The following MYO6 variants were observed in gnomAD, a reference collection of about 807,000 sequenced individuals.
MYO6 encodes myosin VI.
In MYO6, 74 loss-of-function variants were observed where a neutral mutation model predicts 178.7. The observed-to-expected ratio is 0.41, with a 90% CI of 0.34 to 0.50. The LOEUF is 0.50. Ranked by LOEUF, MYO6 falls within the 20% of genes least tolerant of loss-of-function variation. The pLI, the probability that MYO6 is intolerant of heterozygous loss-of-function variation, is 0.09. For synonymous variants in MYO6, 477 were observed against 504.6 expected, an observed-to-expected ratio of 0.95 and a Z score of 0.73; for missense variants, 1,330 against 1,547.4, an observed-to-expected ratio of 0.86 and a Z score of 2.36.
intron 27 of MYO6, 121 bp from the exon 28 acceptor site, chr6:75,892,409 A>T: frequency 3.1e-6 from 4 of 1,283,118 alleles, no homozygotes; most frequent in Middle Eastern, 5.0e-4. Flanking sequence ...TGCTTAAGCA[A>T]TTCTTTAGTA....
intron 11 of MYO6, among the ~76,000 whole-genome samples, chr6:75,852,277 C>A (rs189000540): frequency 2.0e-4 from 30 of 152,192 alleles, no homozygotes; most frequent in Middle Eastern, 6.8e-3. Context: ...GAGTAATAAG[C>A]ACATTTTCAT....
intron 1 of MYO6, among the ~76,000 whole-genome samples, chr6:75,760,944 C>G (rs1777889234): frequency 6.6e-6 from 1 of 151,894 alleles, no homozygotes. Flanking sequence ...TTCTCTTCTT[C>G]CTTGTTATTT....
At chr6:75,787,730 CTATATATATATATA>C (rs1172801367) in intron 1 of MYO6, among the ~76,000 whole-genome samples, 7 of 11,662 alleles carry the variant, frequency 6.0e-4, no homozygotes, top group African/African-American at 7.2e-4. Context: ...CTCTCTCTCT[CTATATATATATATA>C]TATATATATA....
intron 13 of MYO6, 124 bp downstream of exon 13, chr6:75,857,378 C>A: frequency 1.0e-6 from 1 of 965,914 alleles, no homozygotes; most frequent in South Asian, 1.4e-5. Flanking sequence ...TATATGTCCA[C>A]ACTCACATTT....
Position 75,837,370 on chromosome 6 carries a change from A to G in MYO6, c.553+1414A>G, listed in dbSNP as rs571321260. 5.3e-5 allele frequency among the ~76,000 whole-genome samples: 8 copies of G among 152,270 alleles called. No individual in the cohort carries two copies. The East Asian group carries it at 1.2e-3, about 22-fold the overall frequency. On this transcript the variant is annotated intron_variant, in intron 7 of 34. Coordinates refer to ENST00000369977, the MANE Select transcript of MYO6 (RefSeq NM_004999.4). ...AGCATTTTAACTACATGCCGTAGTA[A>G]ATGCATATTTTAACACTCTCTTGGC...
In MYO6 at chr6:75,773,292, C is replaced by G. The variant is rs12662248; in HGVS notation, c.-48+23869C>G. On this transcript the variant is annotated intron_variant, in intron 1 of 34. Transcript: ENST00000369977. ...AAAAAGTGGAATGTTTGACTTAACACTCAACTCTGCAGCTGAACCATTGTG... is the reference window on the plus strand; with the variant it reads ...AAAAAGTGGAATGTTTGACTTAACAGTCAACTCTGCAGCTGAACCATTGTG... Among the ~76,000 whole-genome samples the G allele has an allele frequency of 8.5e-4, 129 of 152,262 alleles. 1 individual carries two copies. The highest frequency in any genetic ancestry group is 4.6e-4 in the Admixed American group (7 of 15,284).
chr6:75,815,909 T>TC (rs1771191586), intron 1 of MYO6, among the ~76,000 whole-genome samples: 1 of 152,228 alleles, frequency 6.6e-6, no homozygotes, highest in Admixed American at 6.5e-5. Flanking sequence ...ACATCTGGGA[T>TC]CATTTACCAG....
chr6:75,753,914 A>C (rs554510694), intron 1 of MYO6, among the ~76,000 whole-genome samples: 1 of 152,292 alleles, frequency 6.6e-6, no homozygotes. Flanking sequence ...CTTATTGATT[A>C]GTGTAAGAAT....
At chr6:75,767,377 C>T (rs776696945) in intron 1 of MYO6, among the ~76,000 whole-genome samples, 29 of 151,748 alleles carry the variant, frequency 1.9e-4, no homozygotes, top group Non-Finnish European at 3.7e-4. Context: ...GACACTGAAG[C>T]TTTTACATTC....
intron 9 of MYO6, among the ~76,000 whole-genome samples, chr6:75,844,060 C>T (rs900992464): frequency 2.0e-5 from 3 of 152,106 alleles, no homozygotes; most frequent in Non-Finnish European, 4.4e-5. Context: ...TGCCCAATTC[C>T]ATCTAAATGT....
chr6:75,906,075 A>G (rs923555453), intron 30 of MYO6, among the ~76,000 whole-genome samples: 3 of 152,162 alleles, frequency 2.0e-5, no homozygotes, highest in Admixed American at 6.5e-5. Context: ...ATCTTGATCA[A>G]TCCTCTTTAA....
At position 75,832,832 on chromosome 6, in the gene MYO6, T is replaced by G. The variant is rs754270544; in HGVS notation, c.392-10T>G. 1.3e-6 allele frequency: 2 copies of G among 1,561,002 alleles called. No homozygotes were observed. Among genetic ancestry groups the G allele is most frequent in the African/African-American group, 1.4e-5 (1 of 73,962 alleles). Reference sequence around the variant, plus strand: ...TATTGCTCATCATTAATGTCTTATTTTGACCCTAGCTGATAAAGCTTTTCG... The same window carrying G: ...TATTGCTCATCATTAATGTCTTATTGTGACCCTAGCTGATAAAGCTTTTCG... On this transcript the variant is annotated splice_polypyrimidine_tract_variant and intron_variant, in intron 5 of 34. Coordinates refer to ENST00000369977, the MANE Select transcript of MYO6 (RefSeq NM_004999.4).
At chr6:75,801,040 C>T (rs1769399995) in intron 1 of MYO6, among the ~76,000 whole-genome samples, 1 of 152,024 alleles carries the variant, frequency 6.6e-6, no homozygotes, top group Non-Finnish European at 1.5e-5. Flanking sequence ...GCGTTATTAG[C>T]ATATTAATAA....
At chr6:75,792,522 G>C (rs1436898734) in intron 1 of MYO6, among the ~76,000 whole-genome samples, 1 of 152,154 alleles carries the variant, frequency 6.6e-6, no homozygotes, top group Non-Finnish European at 1.5e-5. Context: ...GAGTGGTAGA[G>C]CTTCTTTGAC....
intron 16 of MYO6, among the ~76,000 whole-genome samples, chr6:75,866,203 T>C (rs1226684538): frequency 6.6e-6 from 1 of 152,162 alleles, no homozygotes; most frequent in Non-Finnish European, 1.5e-5. Flanking sequence ...AAAAAAATTT[T>C]TTTATTACAA....
chr6:75,863,228 C>T (rs1776350342), intron 16 of MYO6, among the ~76,000 whole-genome samples: 1 of 152,186 alleles, frequency 6.6e-6, no homozygotes, highest in Non-Finnish European at 1.5e-5. Context: ...AGCCATCTGT[C>T]TGCTTATTTG....
At chr6:75,779,990 C>A (rs997018186) in intron 1 of MYO6, among the ~76,000 whole-genome samples, 3 of 152,172 alleles carry the variant, frequency 2.0e-5, no homozygotes, top group Non-Finnish European at 4.4e-5. Context: ...AAGCTGAAAA[C>A]AAATTCTCTC....
chr6:75,792,268 C>T (rs1768326827), intron 1 of MYO6, among the ~76,000 whole-genome samples: 1 of 152,088 alleles, frequency 6.6e-6, no homozygotes, highest in African/African-American at 2.4e-5. Flanking sequence ...TGATCCAGTC[C>T]AGCACATTTT....
intron 34 of MYO6, among the ~76,000 whole-genome samples, chr6:75,914,534 A>G (rs1181694867): frequency 3.9e-5 from 6 of 152,164 alleles, no homozygotes; most frequent in African/African-American, 7.2e-5. Flanking sequence ...GTGTTTCATC[A>G]TATCCATTGA....
Sources: allele counts gnomAD v4.1 joint callset (sites outside exome capture counted in the v4.1 genomes callset), GRCh38; gene constraint gnomAD v4.1.1; transcripts MANE v1.5; gene names NCBI Gene and HGNC (gene_info 2026-07-23, HGNC 2026-07-21).